Variants in AK7 observed in about 807,000 individuals in gnomAD.
AK7 encodes the protein adenylate kinase 7, also known as ATP-AMP transphosphorylase 7.
Under a neutral mutation model 96.6 loss-of-function variants are expected in AK7, and 78 were observed. The observed-to-expected ratio is 0.81, with a 90% CI of 0.67 to 0.97. The LOEUF is 0.97. Among genes scored for constraint, AK7 ranks in the 50% least tolerant of loss-of-function variants. The probability of loss-of-function intolerance (pLI) is 0.00; values close to 1 mark genes in which losing one functional copy is unlikely to be tolerated. For synonymous variants in AK7, 302 were observed against 317.2 expected, an observed-to-expected ratio of 0.95 and a Z score of 0.51; for missense variants, 855 against 887.9, an observed-to-expected ratio of 0.96 and a Z score of 0.47.
chr14:96,422,725 G>A (rs144828743), intron 5 of AK7, among the ~76,000 whole-genome samples: 3,106 of 152,276 alleles, frequency 0.02, 51 homozygotes, highest in Non-Finnish European at 0.031. Flanking sequence ...ATGCAATTTT[G>A]TATTTACAAT....
intron 6 of AK7, among the ~76,000 whole-genome samples, chr14:96,440,707 C>T (rs536301700): frequency 1.3e-5 from 2 of 152,360 alleles, no homozygotes; most frequent in African/African-American, 4.8e-5. Context: ...CAAAAAGTTT[C>T]TGAGACAGGT....
At chr14:96,471,811 A>AT (rs1157160495) in intron 13 of AK7, among the ~76,000 whole-genome samples, 1 of 151,030 alleles carries the variant, frequency 6.6e-6, no homozygotes, top group Non-Finnish European at 1.5e-5. Context: ...CCTTTTACAA[A>AT]TTTTTTAAAA....
At chr14:96,435,749 G>A (rs894941183) in intron 5 of AK7, among the ~76,000 whole-genome samples, 1 of 152,160 alleles carries the variant, frequency 6.6e-6, no homozygotes, top group African/African-American at 2.4e-5. Context: ...ACTCAGGCTG[G>A]TTTGAATGCT....
At chr14:96,445,439 C>T (rs1001703268) in intron 7 of AK7, among the ~76,000 whole-genome samples, 32 of 152,218 alleles carry the variant, frequency 2.1e-4, no homozygotes, top group African/African-American at 7.5e-4. Flanking sequence ...GTGGGAGGTT[C>T]GCCTGAGCCG....
In AK7 at chr14:96,419,784, C is replaced by CTTTTTTTTTTTTTTTTTTTTTTTTT. The variant is rs11449244; in HGVS notation, c.499-1034_499-1033insTTTTTTTTTTTTTTTTTTTTTTTTT. On this transcript the variant is annotated intron_variant, in intron 4 of 17. Coordinates refer to ENST00000267584, the MANE Select transcript of AK7 (RefSeq NM_152327.5). ...TCTCCTAAAGCATTTTTTTTTCTTT[C>CTTTTTTTTTTTTTTTTTTTTTTTTT]TTTTCTTTTTTTTTTTTTTTTGAGA... 2.9e-5 allele frequency among the ~76,000 whole-genome samples: 3 copies of CTTTTTTTTTTTTTTTTTTTTTTTTT among 101,714 alleles called. 1 individual carries two copies. The highest frequency in any genetic ancestry group is 9.5e-5 in the African/African-American group (2 of 21,110). 66.7% of individuals were successfully genotyped at this position (101,714 alleles called of 152,430 possible). A position where few individuals can be genotyped will look rare whatever the true frequency, so the allele number is the denominator to read the frequency against.
chr14:96,446,890 A>G (rs1382959797), intron 8 of AK7, among the ~76,000 whole-genome samples: 1 of 152,168 alleles, frequency 6.6e-6, no homozygotes, highest in Non-Finnish European at 1.5e-5. Context: ...CAGTGAGCCA[A>G]GATTGTGCCA....
At chr14:96,436,695 C>G (rs1474127417) in intron 5 of AK7, among the ~76,000 whole-genome samples, 2 of 152,140 alleles carry the variant, frequency 1.3e-5, no homozygotes, top group African/African-American at 4.8e-5. Flanking sequence ...CTTGCACCAT[C>G]CCCTGTTCGC....
chr14:96,473,842 C>T lies in AK7; in HGVS notation c.1555+1087C>T, dbSNP rs59461473. Among the ~76,000 whole-genome samples, 1,191 of 152,320 alleles carry T rather than the reference C, an allele frequency of 7.8e-3. 22 individuals are homozygous for T. Among genetic ancestry groups the T allele is most frequent in the African/African-American group, 0.027 (1,136 of 41,570 alleles). ...CCGTGCCCTCATCTCTTCCAAAAGA[C>T]ATTCAGCTTCTGACTTGAGATTGCA... On this transcript the variant is annotated intron_variant, in intron 14 of 17. Transcript: ENST00000267584.
intron 17 of AK7, 96 bp from the exon 18 acceptor site, chr14:96,488,209 G>A: frequency 8.3e-7 from 1 of 1,207,362 alleles, no homozygotes; most frequent in Admixed American, 1.9e-5. Flanking sequence ...CACCAAGCTT[G>A]GCCCAGGATG....
intron 12 of AK7, among the ~76,000 whole-genome samples, chr14:96,467,014 A>G (rs1894603854): frequency 6.6e-6 from 1 of 150,584 alleles, no homozygotes; most frequent in East Asian, 2.0e-4. Context: ...TCAGAATATT[A>G]CTGAGGAAAT....
Position 96,458,239 on chromosome 14 carries a change from G to A in AK7, c.1357+27G>A, listed in dbSNP as rs76110695. On this transcript the variant is annotated intron_variant, in intron 12 of 17. Transcript: ENST00000267584. ...TAACACACACCCAGCAGAGAGCCAC[G>A]CTGCTCTTGTGAACAGTGGCTATTT... 7.2e-4 allele frequency: 1,152 copies of A among 1,609,548 alleles called. 11 individuals carry two copies. The African/African-American group carries it at 0.013, about 19-fold the overall frequency.
At chr14:96,473,393 G>C (rs576676837) in intron 14 of AK7, among the ~76,000 whole-genome samples, 1 of 151,046 alleles carries the variant, frequency 6.6e-6, no homozygotes, top group Non-Finnish European at 1.5e-5. Context: ...GGATGGTCTC[G>C]ATCTCCCGAC....
At position 96,408,914 on chromosome 14, in the gene AK7, T is replaced by C. The variant is rs1595377508; in HGVS notation, c.471T>C (p.Thr157=). Residue 157 remains threonine (T), a synonymous_variant, in exon 4 of 18, where the codon ACT becomes ACC. Coordinates refer to ENST00000267584, the MANE Select transcript of AK7 (RefSeq NM_152327.5). ...TTATTTTACTGTCGACGGTGATGAC[T>C]TGGGCGCGCTCCAAAGCCCTGGACC... ...KLFILLSTVM[T]WARSKALDPE... The C allele has an allele frequency of 3.7e-6, 6 of 1,614,258 alleles. No homozygotes were observed. Among genetic ancestry groups the C allele is most frequent in the South Asian group, 1.1e-5 (1 of 91,088 alleles).
chr14:96,405,350 A>AT (rs1249063934), intron 3 of AK7, among the ~76,000 whole-genome samples: 256 of 144,176 alleles, frequency 1.8e-3, no homozygotes, highest in Middle Eastern at 3.6e-3. Flanking sequence ...ACCCCAGCTA[A>AT]TTTTTTTTTT....
In AK7 at chr14:96,405,464, G is replaced by A. The variant is rs540914025; in HGVS notation, c.403+599G>A. ...CTCCCAAAGCACTGGAGTTACAGGC[G>A]TGAGCCACAATGCCTTACCAAAACA... On this transcript the variant is annotated intron_variant, in intron 3 of 17. Transcript: ENST00000267584. Among the ~76,000 whole-genome samples, 4 of 152,196 alleles carry A rather than the reference G, an allele frequency of 2.6e-5. No individual in the cohort carries two copies. In the East Asian group the frequency reaches 5.8e-4, roughly 22 times the overall value.
chr14:96,469,694 C>A (rs771802949), intron 12 of AK7, among the ~76,000 whole-genome samples: 1 of 152,046 alleles, frequency 6.6e-6, no homozygotes, highest in Non-Finnish European at 1.5e-5. Flanking sequence ...TACTTAAGAT[C>A]TTTTTTTGTC....
intron 1 of AK7, among the ~76,000 whole-genome samples, chr14:96,393,009 C>T (rs931363515): frequency 1.4e-4 from 21 of 152,128 alleles, no homozygotes; most frequent in African/African-American, 4.8e-4. Flanking sequence ...GTTTTTCATT[C>T]ATCCATCCCT....
At chr14:96,415,743 TA>T (rs1227321674) in intron 4 of AK7, among the ~76,000 whole-genome samples, 1 of 149,486 alleles carries the variant, frequency 6.7e-6, no homozygotes. Flanking sequence ...ATACATTAAT[TA>T]AATTAATTAA....
chr14:96,436,939 G>A (rs1023064789), intron 5 of AK7, among the ~76,000 whole-genome samples: 1 of 152,046 alleles, frequency 6.6e-6, no homozygotes, highest in African/African-American at 2.4e-5. Flanking sequence ...TGGATTCAGG[G>A]TTAGGAAGCT....
Sources: allele counts gnomAD v4.1 joint callset (sites outside exome capture counted in the v4.1 genomes callset), GRCh38; gene constraint gnomAD v4.1.1; transcripts MANE v1.5; gene names NCBI Gene and HGNC (gene_info 2026-07-23, HGNC 2026-07-21).